Variants in RABL6 observed in about 807,000 individuals in gnomAD.
RABL6 encodes the protein rab-like protein 6.
RABL6 carries 28 observed loss-of-function variants against 72.9 expected under a neutral mutation model. The ratio of observed to expected loss-of-function variants is 0.38; its 90% CI spans 0.28 to 0.53. RABL6 has a LOEUF of 0.53. Ranked by LOEUF, RABL6 falls within the 20% of genes least tolerant of loss-of-function variation. The probability of loss-of-function intolerance (pLI) is 0.80; values close to 1 mark genes in which losing one functional copy is unlikely to be tolerated. For missense variants in RABL6, 1,029 were observed against 1,008.4 expected (o/e 1.02, Z -0.28); for synonymous variants, 477 against 421.2 (o/e 1.13, Z -1.62).
chr9:136,832,475 G>A (rs558328444), intron 7 of RABL6, 105 bp downstream of exon 7: 9 of 936,248 alleles, frequency 9.6e-6, no homozygotes, highest in South Asian at 5.3e-5. Flanking sequence ...AGAAAGCTGT[G>A]GACCTGCTCG....
At chr9:136,813,735 C>T (rs1848061545) in intron 1 of RABL6, 1 of 191,892 alleles carries the variant, frequency 5.2e-6, no homozygotes, top group Admixed American at 6.3e-5. Context: ...CCTGCCTCAG[C>T]CTCCCGAGTA....
At chr9:136,810,145 A>C (rs530920741) in intron 1 of RABL6, 1 of 152,182 alleles carries the variant, frequency 6.6e-6, no homozygotes, top group African/African-American at 2.4e-5. Context: ...TGGATCCTTT[A>C]TTTAATTTTA....
Position 136,840,814 on chromosome 9 carries a change from C to CTGAGGGACCTG in RABL6, c.*297_*298insGACCTGTGAGG. 6.5e-7 allele frequency: 1 copy of CTGAGGGACCTG among 1,547,186 alleles called. No homozygotes were observed. Among genetic ancestry groups the CTGAGGGACCTG allele is most frequent in the Non-Finnish European group, 8.7e-7 (1 of 1,146,792 alleles). ...CCGCCAGTGTTTCTCAGGGATGTGA[C>CTGAGGGACCTG]TGAGGCCCAGGAGGGACCTGTGAGG... On this transcript the variant is annotated 3_prime_UTR_variant, in exon 15 of 15. Coordinates refer to ENST00000311502, the MANE Select transcript of RABL6 (RefSeq NM_024718.5).
Position 136,838,000 on chromosome 9 carries a change from A to C in RABL6, c.1265A>C (p.Gln422Pro), listed in dbSNP as rs1285819870. 1 of 1,564,806 alleles carries C rather than the reference A, an allele frequency of 6.4e-7. No homozygotes were observed. The highest frequency in any genetic ancestry group is 8.7e-7 in the Non-Finnish European group (1 of 1,155,512). ...AAGAAGGTGGGGGCCAAGGCTGCCC[A>C]GCAGGACAGCGACAGGTGAGGGGTG... ...DEKKVGAKAA[Q>P]QDSDSDGEAL... Residue 422 changes from glutamine (Q) to proline (P), a missense_variant, in exon 10 of 15, where the codon CAG (glutamine) becomes CCG (proline). By Grantham distance (76) the Gln-to-Pro change is moderately conservative. Coordinates refer to ENST00000311502, the MANE Select transcript of RABL6 (RefSeq NM_024718.5).
intron 1 of RABL6, among the ~76,000 whole-genome samples, chr9:136,818,023 C>A (rs10870131): frequency 0.73 from 103,016 of 140,970 alleles, 38,184 homozygotes; most frequent in Non-Finnish European, 0.79. Flanking sequence ...GATCGCGCCG[C>A]TGCACTCCAG....
intron 1 of RABL6, among the ~76,000 whole-genome samples, chr9:136,823,296 G>C (rs2784090): frequency 1 from 152,221 of 152,238 alleles, 76,102 homozygotes; most frequent in Middle Eastern, 1. Flanking sequence ...CCCTGGGCCC[G>C]GTTCGCCGTT....
chr9:136,838,184 G>A (rs1163325974), intron 10 of RABL6, among the ~76,000 whole-genome samples, 169 bp downstream of exon 10: 1 of 152,228 alleles, frequency 6.6e-6, no homozygotes, highest in Non-Finnish European at 1.5e-5. Flanking sequence ...GGAAGGGCTT[G>A]GACGGGGCTT....
Position 136,823,613 on chromosome 9 carries a change from C to T in RABL6, c.219C>T (p.Ile73=). 3.7e-6 allele frequency: 6 copies of T among 1,613,624 alleles called. No homozygotes were observed. The highest frequency in any genetic ancestry group is 1.1e-5 in the South Asian group (1 of 91,048). Residue 73 remains isoleucine, a synonymous_variant, in exon 2 of 15, where the codon ATC becomes ATT. Transcript: ENST00000311502. ...GCCGGCCGTTCGTGGAGGAGTACAT[C>T]CCCACACAGGAGATCCAGGTCACCA... ...LQGRPFVEEY[I]PTQEIQVTSI...
At chr9:136,811,695 G>A (rs1848015790) in intron 1 of RABL6, among the ~76,000 whole-genome samples, 2 of 151,386 alleles carry the variant, frequency 1.3e-5, no homozygotes, top group African/African-American at 2.4e-5. Context: ...GTTTCACCAC[G>A]TTGCCCAGCT....
At chr9:136,827,516 C>CG (rs1433581721) in intron 3 of RABL6, 3 of 152,278 alleles carry the variant, frequency 2.0e-5, no homozygotes, top group East Asian at 3.8e-4. Context: ...ATGGCTCGCC[C>CG]GGGGGGTGCT....
At chr9:136,814,521 T>A (rs1397967798) in intron 1 of RABL6, 2 of 152,078 alleles carry the variant, frequency 1.3e-5, no homozygotes, top group Non-Finnish European at 1.5e-5. Context: ...CTTGTTAAAG[T>A]TCAGGTTTCC....
intron 1 of RABL6, among the ~76,000 whole-genome samples, chr9:136,817,066 T>C (rs1848134245): frequency 6.6e-6 from 1 of 152,198 alleles, no homozygotes; most frequent in Admixed American, 6.5e-5. Flanking sequence ...GAGCAGACAG[T>C]TTATGTTTGA....
Position 136,840,463 on chromosome 9 carries a change from C to T in RABL6, c.2131C>T (p.Leu711=), listed in dbSNP as rs1311364756. 3.9e-6 allele frequency: 6 copies of T among 1,537,764 alleles called. No individual in the cohort carries two copies. The highest frequency in any genetic ancestry group is 4.1e-5 in the Admixed American group (2 of 48,236). The part of the protein sequence containing the change: ...RTAADELEAF[L]GGGAPGGRHP... ...GGCTGCCGATGAGCTGGAGGCTTTC[C>T]TGGGGGGCGGGGCCCCGGGCGGCCG... Residue 711 remains leucine (L), a synonymous_variant, in exon 15 of 15, where the codon CTG becomes TTG. Transcript: ENST00000311502.
rs200324688 is a variant in RABL6, at chr9:136,820,518, TCCA to T, written c.131-2999_131-2997del. On this transcript the variant is annotated intron_variant, in intron 1 of 14. Transcript: ENST00000311502. ...TCCTGAGTAGCTGGGATTACAGGTG[TCCA>T]CCACCACACCCGGCTAATTTTGTAT... 7.4e-3 allele frequency among the ~76,000 whole-genome samples: 1,132 copies of T among 152,162 alleles called. 19 individuals are homozygous for T. The highest frequency in any genetic ancestry group is 0.026 in the African/African-American group (1,079 of 41,500).
At chr9:136,824,639 T>G (rs1464921186) in intron 2 of RABL6, among the ~76,000 whole-genome samples, 1 of 151,790 alleles carries the variant, frequency 6.6e-6, no homozygotes, top group Non-Finnish European at 1.5e-5. Flanking sequence ...AGGGCTGTTT[T>G]AAACACCTTT....
intron 2 of RABL6, among the ~76,000 whole-genome samples, chr9:136,824,399 C>A (rs540134290): frequency 7.8e-6 from 1 of 128,690 alleles, no homozygotes; most frequent in Admixed American, 8.9e-5. Flanking sequence ...GGTGAGATCT[C>A]GGCTCACTGG....
intron 1 of RABL6, among the ~76,000 whole-genome samples, chr9:136,819,529 A>G (rs1434045044): frequency 2.6e-5 from 4 of 152,180 alleles, no homozygotes; most frequent in African/African-American, 7.2e-5. Context: ...TATGTGGTGT[A>G]TAAGAGACAC....
chr9:136,821,957 G>C (rs1848246694), intron 1 of RABL6: 4 of 1,289,230 alleles, frequency 3.1e-6, no homozygotes, highest in African/African-American at 1.5e-5. Context: ...GGCCGGCGCC[G>C]AGATATGACC....
At chr9:136,835,647 G>A (rs886320251) in intron 7 of RABL6, 95 bp from the exon 8 acceptor site, 1 of 1,112,460 alleles carries the variant, frequency 9.0e-7, no homozygotes. Context: ...GGTTTTGGCA[G>A]CAGGAGGCGT....
Sources: allele counts gnomAD v4.1 joint callset (sites outside exome capture counted in the v4.1 genomes callset), GRCh38; gene constraint gnomAD v4.1.1; transcripts MANE v1.5; gene names NCBI Gene and HGNC (gene_info 2026-07-23, HGNC 2026-07-21).